The following PRELID2 variants were observed in gnomAD, a reference collection of about 807,000 sequenced individuals.
PRELID2 encodes the protein PRELI domain-containing protein 2.
PRELID2 carries 25 observed loss-of-function variants against 28.4 expected under a neutral mutation model. The observed-to-expected ratio is 0.88, with a 90% CI of 0.64 to 1.23. The LOEUF is 1.23. Among genes scored for constraint, PRELID2 ranks in the 50% most tolerant of loss-of-function variants. PRELID2 has a pLI of 0.00. For missense variants in PRELID2, 201 were observed against 214.4 expected (o/e 0.94, Z 0.39); for synonymous variants, 76 against 71.6 (o/e 1.06, Z -0.31).
chr5:145,273,369 C>T, the PRELID2 span, among the ~76,000 whole-genome samples: 15 of 152,008 alleles, frequency 9.9e-5, no homozygotes, highest in Admixed American at 9.8e-4. Flanking sequence ...GTTCACCACC[C>T]GCTACCACCT....
the PRELID2 span, among the ~76,000 whole-genome samples, chr5:145,463,276 T>A: frequency 2.0e-5 from 3 of 151,812 alleles, no homozygotes; most frequent in Non-Finnish European, 4.4e-5. Flanking sequence ...AAAACATTTT[T>A]AATCTTTTTT....
the PRELID2 span, among the ~76,000 whole-genome samples, chr5:145,405,244 A>G: frequency 1.3e-5 from 2 of 152,150 alleles, no homozygotes; most frequent in Admixed American, 6.5e-5. Context: ...AGCCAAGTAG[A>G]TAAAACCTAT....
At chr5:145,400,489 G>A in the PRELID2 span, among the ~76,000 whole-genome samples, 2 of 152,058 alleles carry the variant, frequency 1.3e-5, no homozygotes, top group Non-Finnish European at 2.9e-5. Context: ...CTACAGTTAA[G>A]TGAGAGGGGA....
At chr5:145,822,145 T>C (rs554495144) in intron 2 of PRELID2, among the ~76,000 whole-genome samples, 2 of 152,274 alleles carry the variant, frequency 1.3e-5, no homozygotes, top group South Asian at 4.2e-4. Context: ...GTAAAGAGCA[T>C]GCTGGACCTA....
chr5:145,332,920 T>C, the PRELID2 span, among the ~76,000 whole-genome samples: 4 of 152,230 alleles, frequency 2.6e-5, no homozygotes, highest in African/African-American at 9.6e-5. Flanking sequence ...ACCTTTGGTC[T>C]TTGATGTCGG....
At chr5:145,823,824 C>A (rs559604259) in intron 1 of PRELID2, among the ~76,000 whole-genome samples, 1 of 152,340 alleles carries the variant, frequency 6.6e-6, no homozygotes, top group African/African-American at 2.4e-5. Context: ...ATAATAGCCA[C>A]TGCTTTTGTC....
At chr5:145,609,888 G>C (rs997680074) in intron 1 of PRELID2, among the ~76,000 whole-genome samples, 2 of 152,198 alleles carry the variant, frequency 1.3e-5, no homozygotes, top group Non-Finnish European at 2.9e-5. Flanking sequence ...TGAGATCACT[G>C]GTCTGGAAGC....
chr5:145,390,138 C>A, the PRELID2 span, among the ~76,000 whole-genome samples: 1 of 152,100 alleles, frequency 6.6e-6, no homozygotes, highest in Non-Finnish European at 1.5e-5. Flanking sequence ...GGAAAGACAC[C>A]TAATCCTGTT....
the PRELID2 span, among the ~76,000 whole-genome samples, chr5:145,254,505 T>C: frequency 1.3e-5 from 2 of 151,922 alleles, no homozygotes; most frequent in African/African-American, 2.4e-5. Flanking sequence ...AGAAGAGCAA[T>C]GAAGAGAAAG....
At chr5:145,448,235 T>C in the PRELID2 span, among the ~76,000 whole-genome samples, 1 of 151,980 alleles carries the variant, frequency 6.6e-6, no homozygotes, top group East Asian at 1.9e-4. Flanking sequence ...ATGATGAGCA[T>C]TTTTTCATGT....
chr5:145,709,540 A>G (rs1755633123), intron 1 of PRELID2, among the ~76,000 whole-genome samples: 1 of 151,886 alleles, frequency 6.6e-6, no homozygotes, highest in Non-Finnish European at 1.5e-5. Context: ...GAACATTCTG[A>G]TGGGAATAAG....
At chr5:145,835,013 A>G (rs73306061) in intron 1 of PRELID2, 164 bp downstream of exon 1, 14,986 of 551,842 alleles carry the variant, frequency 0.027, 1,604 homozygotes, top group African/African-American at 0.24. Flanking sequence ...CTCCCTGTAA[A>G]GGGAGTCTTC....
chr5:145,359,663 A>G, the PRELID2 span, among the ~76,000 whole-genome samples: 1 of 152,216 alleles, frequency 6.6e-6, no homozygotes, highest in Non-Finnish European at 1.5e-5. Context: ...AAGGCTATGT[A>G]CTGGTACCAC....
chr5:145,576,016 T>C (rs150871835), intron 1 of PRELID2, among the ~76,000 whole-genome samples: 1 of 152,278 alleles, frequency 6.6e-6, no homozygotes, highest in East Asian at 1.9e-4. Flanking sequence ...CTTCTAGACA[T>C]CACTTCTTCA....
At chr5:145,612,514 A>C (rs1466135403) in intron 1 of PRELID2, among the ~76,000 whole-genome samples, 1 of 152,130 alleles carries the variant, frequency 6.6e-6, no homozygotes, top group Non-Finnish European at 1.5e-5. Flanking sequence ...TGGTTACATG[A>C]GCAAGTTCTT....
At chr5:145,817,190 C>CAAA (rs1246315266) in intron 4 of PRELID2, among the ~76,000 whole-genome samples, 1 of 42,654 alleles carries the variant, frequency 2.3e-5, no homozygotes, top group African/African-American at 6.6e-5. Context: ...GACTGCATTT[C>CAAA]AAAAAAAAAT....
intron 1 of PRELID2, among the ~76,000 whole-genome samples, chr5:145,526,197 C>G (rs866026999): frequency 2.0e-5 from 3 of 152,156 alleles, no homozygotes; most frequent in South Asian, 2.1e-4. Flanking sequence ...TTATTACAAA[C>G]GTAGAAACCA....
the PRELID2 span, among the ~76,000 whole-genome samples, chr5:145,447,996 A>C: frequency 6.6e-6 from 1 of 152,076 alleles, no homozygotes; most frequent in South Asian, 2.1e-4. Context: ...CAGTAATGGG[A>C]TGGCTGGGTC....
chr5:145,819,809 C>T (rs185676723), intron 3 of PRELID2, 136 bp downstream of exon 3: 10 of 681,708 alleles, frequency 1.5e-5, no homozygotes, highest in Non-Finnish European at 2.6e-5. Context: ...AAAGAGCTTT[C>T]TTCCTCAGAA....
Sources: gnomAD v4.1 joint callset for allele counts (sites outside exome capture counted in the v4.1 genomes callset) on GRCh38, gnomAD v4.1.1 for gene constraint, MANE v1.5 for transcripts, NCBI Gene and HGNC (gene_info 2026-07-23, HGNC 2026-07-21) for gene names.